Variants in CADPS observed in about 807,000 individuals in gnomAD.
CADPS encodes calcium dependent secretion activator.
CADPS carries 57 observed loss-of-function variants against 167.3 expected under a neutral mutation model. That is an observed-to-expected ratio of 0.34 (90% CI 0.28 to 0.42). The LOEUF (loss-of-function observed/expected upper bound fraction) is 0.42, where lower values mean the gene tolerates loss of function less well. CADPS is among the 20% of genes least tolerant of loss of function. The probability of loss-of-function intolerance (pLI) is 1.00; values close to 1 mark genes in which losing one functional copy is unlikely to be tolerated. For synonymous variants in CADPS, 676 were observed against 635.3 expected (o/e 1.06, Z -0.96); for missense variants, 1,414 against 1,738.1 (o/e 0.81, Z 3.32).
chr3:62,487,361 T>C (rs2062994077), intron 21 of CADPS, among the ~76,000 whole-genome samples: 1 of 152,248 alleles, frequency 6.6e-6, no homozygotes, highest in South Asian at 2.1e-4. Flanking sequence ...TGTCCATTTC[T>C]TGTTAGGACC....
chr3:62,636,430 C>A (rs528056997), intron 6 of CADPS, among the ~76,000 whole-genome samples: 3 of 152,184 alleles, frequency 2.0e-5, no homozygotes, highest in African/African-American at 7.2e-5. Flanking sequence ...CTAGCAGCTA[C>A]GGGCTGGCAT....
intron 21 of CADPS, among the ~76,000 whole-genome samples, chr3:62,485,488 C>A (rs528285941): frequency 6.6e-6 from 1 of 152,248 alleles, no homozygotes; most frequent in East Asian, 1.9e-4. Flanking sequence ...ATAACTTTTC[C>A]TTATGTTATT....
rs756035762 is a variant in CADPS at position 62,493,518 on chromosome 3, T to C, written c.2727+127A>G. 1.2e-3 allele frequency: 772 copies of C among 630,606 alleles called. 6 individuals carry two copies. Among genetic ancestry groups the C allele is most frequent in the Non-Finnish European group, 8.2e-4 (306 of 374,452 alleles). 39.1% of individuals were successfully genotyped at this position (630,606 alleles called of 1,614,324 possible). On this transcript the variant is annotated intron_variant, in intron 19 of 29. Coordinates refer to ENST00000383710, the MANE Select transcript of CADPS (RefSeq NM_003716.4). ...GATGATTATGGAAAAATTCCATAAA[T>C]GAAAGGGTTTGTTCAATGGCCAAGC... is the stretch of plus-strand genomic sequence containing the variant.
intron 28 of CADPS, among the ~76,000 whole-genome samples, chr3:62,414,158 A>G (rs1238262903): frequency 6.6e-6 from 1 of 152,216 alleles, no homozygotes; most frequent in African/African-American, 2.4e-5. Context: ...AAACAACAAG[A>G]AAAGGATGCA....
In CADPS at chr3:62,438,029, C is replaced by T; in HGVS notation, c.3777+75G>A. The T allele has an allele frequency of 3.2e-6, 3 of 945,088 alleles. No individual in the cohort carries two copies. The highest frequency in any genetic ancestry group is 5.1e-6 in the Non-Finnish European group (3 of 593,580). The allele number at this position is 945,088 out of a possible 1,614,324, so 58.5% of individuals were successfully genotyped here. On this transcript the variant is annotated intron_variant, in intron 28 of 29. Transcript: ENST00000383710. This position sits in a 1 kb window ranked among gnomAD's most constrained non-coding sequence, Gnocchi z 4.7. ...TCCATTTTCTCAAAATGTGACTTAT[C>T]CTCCTGTCTCTTATTTTGTCACATT...
intron 1 of CADPS, among the ~76,000 whole-genome samples, chr3:62,821,185 T>C (rs2094897664): frequency 6.6e-6 from 1 of 152,174 alleles, no homozygotes; most frequent in Non-Finnish European, 1.5e-5. Context: ...CTGTATTTGT[T>C]TGCTATTGTT....
intron 28 of CADPS, among the ~76,000 whole-genome samples, chr3:62,422,086 G>A (rs1446847245): frequency 6.6e-6 from 1 of 152,126 alleles, no homozygotes; most frequent in Non-Finnish European, 1.5e-5. Context: ...TATTTCTAAT[G>A]TGCACCAACA....
chr3:62,750,090 G>A (rs2082353120), intron 3 of CADPS, among the ~76,000 whole-genome samples: 2 of 152,108 alleles, frequency 1.3e-5, no homozygotes, highest in Admixed American at 1.3e-4. Flanking sequence ...GGTGGCTCAT[G>A]CCTATAATCC....
intron 6 of CADPS, among the ~76,000 whole-genome samples, chr3:62,641,632 C>G (rs1227161128): frequency 6.6e-6 from 1 of 152,036 alleles, no homozygotes; most frequent in African/African-American, 2.4e-5. Flanking sequence ...CCATCAGAAG[C>G]AAAAACAACC....
intron 28 of CADPS, among the ~76,000 whole-genome samples, chr3:62,417,209 T>C (rs1417755958): frequency 1.3e-5 from 2 of 151,964 alleles, no homozygotes; most frequent in East Asian, 1.9e-4. Flanking sequence ...AGTTCTGTAG[T>C]AGAGAAGTCC....
Position 62,874,493 on chromosome 3 carries a change from C to T in CADPS, c.441+96G>A. 1.0e-6 allele frequency: 1 copy of T among 962,190 alleles called. No homozygotes were observed. Among genetic ancestry groups the T allele is most frequent in the Non-Finnish European group, 1.6e-6 (1 of 636,876 alleles). The allele number at this position is 962,190 out of a possible 1,614,324, so 59.6% of individuals were successfully genotyped here. ...CAGGGCGCGGTCTCCACCTCTCCTGCTCCTCCTCGCCAGCTGCGCCGCCAG... is the reference window on the plus strand; with the variant it reads ...CAGGGCGCGGTCTCCACCTCTCCTGTTCCTCCTCGCCAGCTGCGCCGCCAG... On this transcript the variant is annotated intron_variant, in intron 1 of 29. Coordinates refer to ENST00000383710, the MANE Select transcript of CADPS (RefSeq NM_003716.4). This position sits in a 1 kb window ranked among gnomAD's most constrained non-coding sequence, Gnocchi z 7.1.
At chr3:62,539,375 A>G (rs1197829426) in intron 11 of CADPS, among the ~76,000 whole-genome samples, 1 of 152,036 alleles carries the variant, frequency 6.6e-6, no homozygotes, top group Non-Finnish European at 1.5e-5. Context: ...CCACCTCTGG[A>G]TTTTACTTGC....
chr3:62,831,001 A>G (rs2074973566), intron 1 of CADPS, among the ~76,000 whole-genome samples: 1 of 152,100 alleles, frequency 6.6e-6, no homozygotes, highest in South Asian at 2.1e-4. Context: ...CATTTCCTAG[A>G]CATAGAGTTA....
chr3:62,637,083 T>C (rs1410519884), intron 6 of CADPS, among the ~76,000 whole-genome samples: 2 of 152,162 alleles, frequency 1.3e-5, no homozygotes, highest in Non-Finnish European at 2.9e-5. Flanking sequence ...AGTTTTAGGC[T>C]ATTAATACTA....
At chr3:62,594,465 T>G (rs1256849056) in intron 6 of CADPS, among the ~76,000 whole-genome samples, 1 of 152,202 alleles carries the variant, frequency 6.6e-6, no homozygotes, top group Non-Finnish European at 1.5e-5. Context: ...CCGGCCCTCA[T>G]TATGATTTTT....
intron 1 of CADPS, among the ~76,000 whole-genome samples, chr3:62,788,416 C>T (rs1232417810): frequency 3.3e-5 from 5 of 152,082 alleles, no homozygotes; most frequent in South Asian, 2.1e-4. Flanking sequence ...ACCACGAAGT[C>T]GGTGACCCAT....
Position 62,765,951 on chromosome 3 carries a change from G to T in CADPS, c.475C>A (p.Arg159=). 1.9e-6 allele frequency: 3 copies of T among 1,613,296 alleles called. No individual in the cohort carries two copies. The highest frequency in any genetic ancestry group is 1.7e-6 in the Non-Finnish European group (2 of 1,179,424). ...SKQQLQTVKD[R]FQAFLNGETQ... is the part of the protein sequence containing the mutation. ...TCCCCATTGAGGAAAGCCTGAAACC[G>T]GTCCTTGACTGTCTGCAGCTGCTGT... Residue 159 remains arginine, a synonymous_variant, in exon 2 of 30, where the codon CGG becomes AGG. Coordinates refer to ENST00000383710, the MANE Select transcript of CADPS (RefSeq NM_003716.4).
intron 6 of CADPS, among the ~76,000 whole-genome samples, chr3:62,599,535 AT>A (rs2059399179): frequency 3.1e-5 from 3 of 98,250 alleles, no homozygotes; most frequent in Non-Finnish European, 5.6e-5. Context: ...TATATATTAT[AT>A]ATATTATATA....
intron 26 of CADPS, among the ~76,000 whole-genome samples, chr3:62,460,379 T>C (rs1196187380): frequency 1.3e-5 from 2 of 152,204 alleles, no homozygotes; most frequent in Non-Finnish European, 2.9e-5. Flanking sequence ...AATAATCTGG[T>C]GATGTTACCC....
Sources: allele counts gnomAD v4.1 joint callset (sites outside exome capture counted in the v4.1 genomes callset), GRCh38; gene constraint gnomAD v4.1.1; non-coding constraint Gnocchi (gnomAD v3.1); transcripts MANE v1.5; gene names NCBI Gene and HGNC (gene_info 2026-07-23, HGNC 2026-07-21).